The following CERS6 variants were observed in gnomAD, a reference collection of about 807,000 sequenced individuals.
The protein encoded by CERS6 is ceramide synthase 6.
In CERS6, 26 loss-of-function variants were observed where a neutral mutation model predicts 56.8. The observed-to-expected ratio is 0.46, with a 90% CI of 0.34 to 0.63. The LOEUF (loss-of-function observed/expected upper bound fraction) is 0.63. Ranked by LOEUF, CERS6 falls within the 30% of genes least tolerant of loss-of-function variation. The probability of loss-of-function intolerance (pLI) is 0.01; values close to 1 mark genes in which losing one functional copy is unlikely to be tolerated. For missense variants in CERS6, 415 were observed against 467.5 expected, an observed-to-expected ratio of 0.89 and a Z score of 1.04; for synonymous variants, 164 against 173.3, an observed-to-expected ratio of 0.95 and a Z score of 0.42.
chr2:168,717,007 A>T (rs1687242078), intron 7 of CERS6, among the ~76,000 whole-genome samples: 1 of 152,168 alleles, frequency 6.6e-6, no homozygotes, highest in Admixed American at 6.5e-5. Flanking sequence ...AGGTGCTGTG[A>T]ATTCTATGCA....
intron 3 of CERS6, among the ~76,000 whole-genome samples, chr2:168,620,413 AC>A (rs1350341068): frequency 6.6e-6 from 1 of 152,084 alleles, no homozygotes; most frequent in Admixed American, 6.5e-5. Context: ...TTCCTCAAAA[AC>A]CTATGAAAAC....
chr2:168,462,374 A>G (rs1221339576), intron 1 of CERS6, among the ~76,000 whole-genome samples: 2 of 152,060 alleles, frequency 1.3e-5, no homozygotes, highest in East Asian at 1.9e-4. Context: ...CTTTCATATT[A>G]GCAATGCCTT....
intron 3 of CERS6, among the ~76,000 whole-genome samples, chr2:168,611,594 A>C (rs1684191123): frequency 6.6e-6 from 1 of 152,246 alleles, no homozygotes; most frequent in Non-Finnish European, 1.5e-5. Flanking sequence ...TCTTATTTAT[A>C]ACACCACATT....
At chr2:168,717,229 C>T (rs1687246626) in intron 7 of CERS6, among the ~76,000 whole-genome samples, 1 of 152,102 alleles carries the variant, frequency 6.6e-6, no homozygotes, top group South Asian at 2.1e-4. Flanking sequence ...CTAAAAATGA[C>T]CCATTCATGT....
At chr2:168,603,968 C>G (rs996210429) in intron 3 of CERS6, among the ~76,000 whole-genome samples, 3 of 152,238 alleles carry the variant, frequency 2.0e-5, no homozygotes, top group Non-Finnish European at 4.4e-5. Context: ...AGCCTGAGAT[C>G]AGTAGTGAAA....
At chr2:168,588,896 G>A (rs140660003) in intron 3 of CERS6, among the ~76,000 whole-genome samples, 2 of 152,128 alleles carry the variant, frequency 1.3e-5, no homozygotes, top group African/African-American at 2.4e-5. Flanking sequence ...GTGCCACCAC[G>A]CCTGGCCATT....
At chr2:168,682,853 C>A (rs1686254346) in intron 4 of CERS6, among the ~76,000 whole-genome samples, 1 of 152,206 alleles carries the variant, frequency 6.6e-6, no homozygotes, top group South Asian at 2.1e-4. Context: ...ATCTTACTTT[C>A]TCCAAAGCAG....
At chr2:168,538,336 G>A (rs1695303689) in intron 1 of CERS6, among the ~76,000 whole-genome samples, 1 of 151,634 alleles carries the variant, frequency 6.6e-6, no homozygotes, top group Non-Finnish European at 1.5e-5. Context: ...TCCTGTACTG[G>A]CTAACTCTAT....
At chr2:168,732,517 T>C (rs1683571609) in intron 8 of CERS6, among the ~76,000 whole-genome samples, 2 of 152,222 alleles carry the variant, frequency 1.3e-5, no homozygotes, top group African/African-American at 2.4e-5. Context: ...AGGAAAAATA[T>C]TCTGAATGCC....
At position 168,746,775 on chromosome 2, in the gene CERS6, G is replaced by GTATATATATATA. The variant is rs71003053; in HGVS notation, c.846-18782_846-18771dup. Among the ~76,000 whole-genome samples the GTATATATATATA allele has an allele frequency of 2.3e-3, 89 of 38,982 alleles. 4 individuals are homozygous for GTATATATATATA. The highest frequency in any genetic ancestry group is 4.1e-3 in the South Asian group (3 of 736). The allele number at this position is 38,982 out of a possible 152,430, so 25.6% of individuals were successfully genotyped here. The stretch of plus-strand genomic sequence containing the variant: ...CCAAACTGATTTAAAAGGGTAAAGG[G>GTATATATATATA]TATATATATATATATATATATATAT... On this transcript the variant is annotated intron_variant, in intron 8 of 9. Coordinates refer to ENST00000305747, the MANE Select transcript of CERS6 (RefSeq NM_203463.3).
Position 168,633,173 on chromosome 2 carries a change from T to TTTTA in CERS6, c.465+2131_465+2132insTTTA, listed in dbSNP as rs1205911934. On this transcript the variant is annotated intron_variant, in intron 4 of 9. Transcript: ENST00000305747. Reference sequence around the variant, plus strand: ...GGTTATAACAAATGCTTTTTTTTTTTAATAAAAAAAAAAAGGAAAGGAAAG... The same window carrying TTTTA: ...GGTTATAACAAATGCTTTTTTTTTTTTTTAAATAAAAAAAAAAAGGAAAGGAAAG... Among the ~76,000 whole-genome samples the TTTTA allele has an allele frequency of 2.0e-5, 3 of 150,584 alleles. No homozygotes were observed. The East Asian group carries it at 6.0e-4, about 30-fold the overall frequency.
chr2:168,615,809 G>A (rs1183428674), intron 3 of CERS6, among the ~76,000 whole-genome samples: 1 of 152,178 alleles, frequency 6.6e-6, no homozygotes, highest in Non-Finnish European at 1.5e-5. Context: ...GAGAATAATC[G>A]AGGAAAACTT....
chr2:168,717,839 T>C, intron 7 of CERS6, 33 bp from the exon 8 acceptor site: 1 of 1,506,960 alleles, frequency 6.6e-7, no homozygotes, highest in Non-Finnish European at 9.2e-7. Context: ...TCAGTTTAAC[T>C]ACATTAATAT....
At chr2:168,509,543 G>T (rs144241201) in intron 1 of CERS6, among the ~76,000 whole-genome samples, 14 of 152,268 alleles carry the variant, frequency 9.2e-5, no homozygotes, top group Admixed American at 2.0e-4. Flanking sequence ...AGTAGCTCTG[G>T]CACTGGGAGA....
intron 8 of CERS6, among the ~76,000 whole-genome samples, chr2:168,737,408 T>G (rs1369297383): frequency 3.3e-5 from 5 of 152,236 alleles, no homozygotes; most frequent in Non-Finnish European, 5.9e-5. Flanking sequence ...TTTGAAAATC[T>G]GACATTTGCT....
chr2:168,609,282 A>T (rs749080808), intron 3 of CERS6, among the ~76,000 whole-genome samples: 20 of 152,082 alleles, frequency 1.3e-4, no homozygotes, highest in Non-Finnish European at 2.6e-4. Context: ...AGTAGTCACC[A>T]CCCCTGGCCT....
At chr2:168,573,722 C>T (rs538728967) in intron 3 of CERS6, among the ~76,000 whole-genome samples, 5 of 152,176 alleles carry the variant, frequency 3.3e-5, no homozygotes, top group Admixed American at 2.0e-4. Context: ...GGAACCTTCT[C>T]TCAGTTCTCC....
intron 1 of CERS6, among the ~76,000 whole-genome samples, chr2:168,524,963 A>T (rs1265001421): frequency 6.6e-6 from 1 of 152,160 alleles, no homozygotes; most frequent in Non-Finnish European, 1.5e-5. Flanking sequence ...AAAAAGATGC[A>T]TAATATCATA....
At chr2:168,746,295 T>C (rs1337992750) in intron 8 of CERS6, among the ~76,000 whole-genome samples, 1 of 152,190 alleles carries the variant, frequency 6.6e-6, no homozygotes, top group Non-Finnish European at 1.5e-5. Flanking sequence ...ATCTAAACAA[T>C]TTGGGTTCTT....
Sources: allele counts gnomAD v4.1 joint callset (sites outside exome capture counted in the v4.1 genomes callset), GRCh38; gene constraint gnomAD v4.1.1; transcripts MANE v1.5; gene names NCBI Gene and HGNC (gene_info 2026-07-23, HGNC 2026-07-21).